Variants in KATNA1 observed in about 807,000 individuals in gnomAD.
KATNA1 encodes katanin p60 ATPase-containing subunit A1.
A neutral mutation model predicts 62.6 loss-of-function variants in KATNA1; 42 were observed. The observed-to-expected ratio is 0.67, with a 90% confidence interval of 0.52 to 0.87. The LOEUF (loss-of-function observed/expected upper bound fraction) is 0.87, where lower values mean the gene tolerates loss of function less well. Ranked by LOEUF, KATNA1 falls within the 40% of genes least tolerant of loss-of-function variation. The pLI, the probability that KATNA1 is intolerant of heterozygous loss-of-function variation, is 0.00. For missense variants in KATNA1, 498 were observed against 612.5 expected, an observed-to-expected ratio of 0.81 and a Z score of 1.97; for synonymous variants, 186 against 201.9, an observed-to-expected ratio of 0.92 and a Z score of 0.67.
intron 7 of KATNA1, among the ~76,000 whole-genome samples, chr6:149,598,931 T>C (rs1384611738): frequency 3.3e-5 from 5 of 151,950 alleles, no homozygotes; most frequent in Non-Finnish European, 7.4e-5. Context: ...GTGATATGAT[T>C]TTGGCTCACT....
At chr6:149,601,134 G>T (rs1346294396) in intron 7 of KATNA1, among the ~76,000 whole-genome samples, 1 of 152,118 alleles carries the variant, frequency 6.6e-6, no homozygotes, top group African/African-American at 2.4e-5. Context: ...TTGGTACTCT[G>T]ATTTGTATTG....
At chr6:149,623,900 T>C (rs1377990497) in intron 3 of KATNA1, among the ~76,000 whole-genome samples, 2 of 152,114 alleles carry the variant, frequency 1.3e-5, no homozygotes, top group Admixed American at 1.3e-4. Flanking sequence ...CATCTGATTG[T>C]TGGAAACTGA....
At position 149,604,765 on chromosome 6, in the gene KATNA1, T is replaced by C; in HGVS notation, c.519A>G (p.Ala173=). 6.2e-7 allele frequency: 1 copy of C among 1,613,826 alleles called. No individual in the cohort carries two copies. The highest frequency in any genetic ancestry group is 2.2e-5 in the East Asian group (1 of 44,886). ...ATTTATTTGTCTCTGGTTCTGTTAC[T>C]GCAGCAGGTGATTTGTTCTACATGA... ...GREEKNKSPA[A]VTEPETNKFD... Residue 173 remains alanine (A), a synonymous_variant, in exon 5 of 11, where the codon GCA becomes GCG. Coordinates refer to ENST00000367411, the MANE Select transcript of KATNA1 (RefSeq NM_007044.4).
At chr6:149,617,291 G>A (rs2115110833) in intron 4 of KATNA1, among the ~76,000 whole-genome samples, 1 of 152,230 alleles carries the variant, frequency 6.6e-6, no homozygotes, top group East Asian at 1.9e-4. Flanking sequence ...CCACTGAACT[G>A]CACACTTGAA....
rs375809770 is a variant in KATNA1 at position 149,638,565 on chromosome 6, AAAG to A, written c.-13-8_-13-6del. On this transcript the variant is annotated splice_region_variant and splice_polypyrimidine_tract_variant and intron_variant, in intron 1 of 10. Transcript: ENST00000367411. ...AGACTCATGTTCAACTGTAAGCTAA[AAAG>A]AAGAAGAAAAAAAGAAACACTTTAG... 2.1e-4 allele frequency: 326 copies of A among 1,584,176 alleles called. No individual in the cohort carries two copies. The East Asian group carries it at 6.0e-3, about 29-fold the overall frequency.
intron 5 of KATNA1, among the ~76,000 whole-genome samples, chr6:149,604,266 G>A (rs1582757556): frequency 6.6e-6 from 1 of 152,162 alleles, no homozygotes; most frequent in East Asian, 1.9e-4. Flanking sequence ...GAACCCAGGA[G>A]CTCAAGACCA....
At chr6:149,631,583 A>C (rs538673966) in intron 3 of KATNA1, 3 of 148,832 alleles carry the variant, frequency 2.0e-5, no homozygotes, top group Non-Finnish European at 4.4e-5. Flanking sequence ...AACAAAAAAA[A>C]ACACAAGTAA....
At chr6:149,636,950 T>A (rs912556353) in intron 2 of KATNA1, among the ~76,000 whole-genome samples, 1 of 151,650 alleles carries the variant, frequency 6.6e-6, no homozygotes, top group Non-Finnish European at 1.5e-5. Flanking sequence ...CAAGACTTAT[T>A]TTCTTAACCT....
intron 3 of KATNA1, among the ~76,000 whole-genome samples, chr6:149,624,138 G>C (rs1009241152): frequency 5.9e-5 from 9 of 152,106 alleles, no homozygotes; most frequent in African/African-American, 1.9e-4. Context: ...TCTCTAATCT[G>C]AAAATCCACA....
At chr6:149,620,771 ATATG>A (rs1343829668) in intron 4 of KATNA1, among the ~76,000 whole-genome samples, 11 of 152,228 alleles carry the variant, frequency 7.2e-5, no homozygotes, top group Admixed American at 1.3e-4. Flanking sequence ...TACCCCATAA[ATATG>A]TATGATTATT....
At chr6:149,640,760 G>C (rs963893071) in intron 1 of KATNA1, among the ~76,000 whole-genome samples, 1 of 152,100 alleles carries the variant, frequency 6.6e-6, no homozygotes, top group African/African-American at 2.4e-5. Context: ...TGTTGGCCAG[G>C]TTGGTCTCGA....
chr6:149,613,209 A>C lies in KATNA1; in HGVS notation c.502-8427T>G, dbSNP rs1379633110. The stretch of plus-strand genomic sequence containing the variant: ...AAAAAAAAAAAAAAAAAAAAAAAAA[A>C]AAAAAAAAGAACATCTACAAAAACA... On this transcript the variant is annotated intron_variant, in intron 4 of 10. Coordinates refer to ENST00000367411, the MANE Select transcript of KATNA1 (RefSeq NM_007044.4). Among the ~76,000 whole-genome samples, 483 of 141,962 alleles carry C rather than the reference A, an allele frequency of 3.4e-3. 10 individuals are homozygous for C. The highest frequency in any genetic ancestry group is 0.013 in the African/African-American group (461 of 36,784). 93.1% of individuals were successfully genotyped at this position (141,962 alleles called of 152,430 possible).
At chr6:149,621,735 C>T (rs2115119567) in intron 4 of KATNA1, among the ~76,000 whole-genome samples, 1 of 151,656 alleles carries the variant, frequency 6.6e-6, no homozygotes, top group Admixed American at 6.6e-5. Context: ...TCAAGTGATT[C>T]ACCCGCCTCA....
At chr6:149,606,062 A>C (rs1778727223) in intron 4 of KATNA1, among the ~76,000 whole-genome samples, 1 of 152,076 alleles carries the variant, frequency 6.6e-6, no homozygotes, top group African/African-American at 2.4e-5. Flanking sequence ...GTCCGGCCTG[A>C]ATAATACCAT....
At chr6:149,638,739 T>TG (rs1554226421) in intron 1 of KATNA1, 179 bp from the exon 2 acceptor site, 27 of 434,834 alleles carry the variant, frequency 6.2e-5, no homozygotes, top group South Asian at 2.8e-4. Context: ...TGTTTTTTTT[T>TG]TTTTTTTTTT....
At chr6:149,607,051 CTG>C (rs1367516451) in intron 4 of KATNA1, among the ~76,000 whole-genome samples, 1 of 152,204 alleles carries the variant, frequency 6.6e-6, no homozygotes, top group Non-Finnish European at 1.5e-5. Flanking sequence ...GAAAAGGACA[CTG>C]TACCTGACTA....
chr6:149,600,982 C>G (rs1354470206), intron 7 of KATNA1, among the ~76,000 whole-genome samples: 7 of 152,124 alleles, frequency 4.6e-5, no homozygotes, highest in Admixed American at 2.6e-4. Flanking sequence ...TAGCATAACT[C>G]TATCCTAATT....
intron 2 of KATNA1, among the ~76,000 whole-genome samples, chr6:149,636,470 G>GC (rs1780067699): frequency 8.6e-6 from 1 of 116,638 alleles, no homozygotes; most frequent in Non-Finnish European, 1.7e-5. Flanking sequence ...TAATTACATG[G>GC]ATATGGTAAA....
chr6:149,638,596 T>G, intron 1 of KATNA1, 36 bp from the exon 2 acceptor site: 1 of 1,431,536 alleles, frequency 7.0e-7, no homozygotes, highest in African/African-American at 1.4e-5. Context: ...CACTTTAGGT[T>G]TACATGTCTC....
Sources: gnomAD v4.1 joint callset for allele counts (sites outside exome capture counted in the v4.1 genomes callset) on GRCh38, gnomAD v4.1.1 for gene constraint, MANE v1.5 for transcripts, NCBI Gene and HGNC (gene_info 2026-07-23, HGNC 2026-07-21) for gene names.